Variants in DYNLRB2 observed in about 807,000 individuals in gnomAD.
DYNLRB2 encodes the protein dynein light chain roadblock-type 2, also known as bithoraxoid-like protein.
Under a neutral mutation model 12.6 loss-of-function variants are expected in DYNLRB2, and 14 were observed. That is an observed-to-expected ratio of 1.11 (90% confidence interval 0.73 to 1.73). The LOEUF (loss-of-function observed/expected upper bound fraction) is 1.73. Ranked by LOEUF, DYNLRB2 falls within the 40% of genes most tolerant of loss-of-function variation. The pLI is 0.00. For synonymous variants in DYNLRB2, 53 were observed against 37.0 expected (o/e 1.43, Z -1.57); for missense variants, 142 against 117.7 (o/e 1.21, Z -0.95).
chr16:80,550,650 C>G lies in DYNLRB2; in HGVS notation c.*92C>G, dbSNP rs760713678. 261 of 1,347,886 alleles carry G rather than the reference C, an allele frequency of 1.9e-4. No homozygotes were observed. Among genetic ancestry groups the G allele is most frequent in the Non-Finnish European group, 2.6e-4 (249 of 940,790 alleles). The allele number at this position is 1,347,886 out of a possible 1,614,324, so 83.5% of individuals were successfully genotyped here. A position where few individuals can be genotyped will look rare whatever the true frequency, so the allele number is the denominator to read the frequency against. On this transcript the variant is annotated 3_prime_UTR_variant, in exon 4 of 4. Transcript: ENST00000305904. ...AAAATTCTATTTCAATCTAACTGAC[C>G]CTTCAAACATTCTTTTCTATTTCTA...
chr16:80,543,210 T>G (rs900794679), intron 1 of DYNLRB2, 66 bp from the exon 2 acceptor site: 127 of 1,502,982 alleles, frequency 8.4e-5, no homozygotes, highest in South Asian at 3.9e-4. Context: ...TGCTAAACAT[T>G]ATTCTCCTTA....
intron 2 of DYNLRB2, chr16:80,547,920 C>G (rs916833731): frequency 2.5e-6 from 1 of 405,956 alleles, no homozygotes; most frequent in South Asian, 1.8e-5. Flanking sequence ...GCAAAACATT[C>G]TGGACATAGC....
In DYNLRB2 at chr16:80,550,381, C is replaced by T. The variant is rs775339593; in HGVS notation, c.248-134C>T. 3.6e-5 allele frequency: 33 copies of T among 918,496 alleles called. No homozygotes were observed. In the African/African-American group the frequency reaches 4.5e-4, roughly 13 times the overall value. 56.9% of individuals were successfully genotyped at this position (918,496 alleles called of 1,614,324 possible). ...CTAAAGACTGAACAGGTAATTCATA[C>T]GTGCAGATAGGGTGGGAAACCATCT... On this transcript the variant is annotated intron_variant, in intron 3 of 3. Coordinates refer to ENST00000305904, the MANE Select transcript of DYNLRB2 (RefSeq NM_130897.3).
intron 1 of DYNLRB2, 189 bp downstream of exon 1, chr16:80,541,268 G>A: frequency 2.1e-6 from 2 of 951,628 alleles, no homozygotes; most frequent in Non-Finnish European, 2.5e-6. Flanking sequence ...ATGTCTAGAT[G>A]ACTGGAAGCT....
At chr16:80,542,634 T>C (rs1904298127) in intron 1 of DYNLRB2, among the ~76,000 whole-genome samples, 1 of 152,178 alleles carries the variant, frequency 6.6e-6, no homozygotes, top group African/African-American at 2.4e-5. Context: ...CACATAAGAT[T>C]CCGAATGAGT....
chr16:80,541,326 T>C, intron 1 of DYNLRB2: 1 of 982,946 alleles, frequency 1.0e-6, no homozygotes, highest in Non-Finnish European at 1.2e-6. Context: ...AGGGGTGATG[T>C]TGAGAAAGGG....
At chr16:80,549,353 G>A in intron 2 of DYNLRB2, 131 bp from the exon 3 acceptor site, 2 of 901,128 alleles carry the variant, frequency 2.2e-6, no homozygotes, top group Non-Finnish European at 3.1e-6. Flanking sequence ...AACTAAAATT[G>A]TTACCAGAGA....
chr16:80,545,849 G>T (rs200990402), intron 2 of DYNLRB2, among the ~76,000 whole-genome samples: 3 of 139,468 alleles, frequency 2.2e-5, no homozygotes, highest in South Asian at 2.3e-4. Context: ...CTAATTTTTT[G>T]TTTTTTTTTT....
rs1904790037 is a variant in DYNLRB2, at chr16:80,550,676, T to C, written c.*118T>C. ...CTTCAAACATTCTTTTCTATTTCTA[T>C]ATCTAAACTGTTCTGCATGTCTCAT... On this transcript the variant is annotated 3_prime_UTR_variant, in exon 4 of 4. Coordinates refer to ENST00000305904, the MANE Select transcript of DYNLRB2 (RefSeq NM_130897.3). 2 of 1,136,768 alleles carry C rather than the reference T, an allele frequency of 1.8e-6. No individual in the cohort carries two copies. The highest frequency in any genetic ancestry group is 1.8e-5 in the Admixed American group (1 of 56,444). 70.4% of individuals were successfully genotyped at this position (1,136,768 alleles called of 1,614,324 possible).
At chr16:80,549,094 T>C (rs1443415195) in intron 2 of DYNLRB2, 2 of 447,358 alleles carry the variant, frequency 4.5e-6, no homozygotes, top group Non-Finnish European at 9.1e-6. Flanking sequence ...TGCACAAAAA[T>C]GTTCATCATC....
At chr16:80,541,665 G>A (rs991267464) in intron 1 of DYNLRB2, among the ~76,000 whole-genome samples, 1 of 149,780 alleles carries the variant, frequency 6.7e-6, no homozygotes. Flanking sequence ...GATTGGAGAT[G>A]GGGATTAAGA....
chr16:80,544,457 T>G (rs1904331026), intron 2 of DYNLRB2, among the ~76,000 whole-genome samples: 1 of 152,178 alleles, frequency 6.6e-6, no homozygotes, highest in South Asian at 2.1e-4. Context: ...AAGAGAGGAT[T>G]TAAGATCTGC....
chr16:80,550,461 T>G, intron 3 of DYNLRB2, 54 bp from the exon 4 acceptor site: 2 of 1,602,636 alleles, frequency 1.2e-6, no homozygotes, highest in South Asian at 2.2e-5. Flanking sequence ...AGTTGAAATA[T>G]TCCTTGATTA....
chr16:80,541,254 G>A, intron 1 of DYNLRB2, 175 bp downstream of exon 1: 1 of 955,510 alleles, frequency 1.0e-6, no homozygotes, highest in Non-Finnish European at 1.2e-6. Flanking sequence ...AAAGGGGCAA[G>A]AAGATGTCTA....
chr16:80,548,131 T>A (rs982346858), intron 2 of DYNLRB2: 2 of 172,112 alleles, frequency 1.2e-5, no homozygotes, highest in South Asian at 1.2e-4. Context: ...GTGCCCTTAA[T>A]ACGGATACCT....
intron 2 of DYNLRB2, among the ~76,000 whole-genome samples, chr16:80,546,960 G>A (rs866869083): frequency 3.9e-5 from 6 of 152,308 alleles, no homozygotes; most frequent in Middle Eastern, 6.8e-3. Context: ...GAATGCACAT[G>A]CTCTTTGTTC....
intron 2 of DYNLRB2, 160 bp from the exon 3 acceptor site, chr16:80,549,324 A>G: frequency 1.5e-6 from 1 of 665,092 alleles, no homozygotes; most frequent in Non-Finnish European, 2.4e-6. Flanking sequence ...CGTAGCGACA[A>G]AAGGATTTGA....
chr16:80,543,061 A>G (rs1904303424), intron 1 of DYNLRB2, among the ~76,000 whole-genome samples: 1 of 152,248 alleles, frequency 6.6e-6, no homozygotes, highest in Admixed American at 6.5e-5. Flanking sequence ...GGTTCAAGCC[A>G]AGAGATTCAT....
chr16:80,549,189 C>T (rs1487372961), intron 2 of DYNLRB2: 2 of 353,668 alleles, frequency 5.7e-6, no homozygotes, highest in East Asian at 5.9e-5. Context: ...GTGAAGTATG[C>T]AGTTATTAAA....
Sources: gnomAD v4.1 joint callset for allele counts (sites outside exome capture counted in the v4.1 genomes callset) on GRCh38, gnomAD v4.1.1 for gene constraint, MANE v1.5 for transcripts, NCBI Gene and HGNC (gene_info 2026-07-23, HGNC 2026-07-21) for gene names.